SRBD1: variants seen among roughly 807,000 people sequenced by gnomAD.
SRBD1 encodes the protein S1 RNA-binding domain-containing protein 1.
A neutral mutation model predicts 115.3 loss-of-function variants in SRBD1; 88 were observed. The observed-to-expected ratio is 0.76, with a 90% CI of 0.64 to 0.91. The LOEUF (loss-of-function observed/expected upper bound fraction) is 0.91. SRBD1 is among the 40% of genes least tolerant of loss of function. SRBD1 has a pLI of 0.00. For synonymous variants in SRBD1, 509 were observed against 407.7 expected (o/e 1.25, Z -2.99); for missense variants, 1,385 against 1,177.4 (o/e 1.18, Z -2.58).
intron 18 of SRBD1, among the ~76,000 whole-genome samples, chr2:45,414,476 T>C (rs890385410): frequency 4.9e-5 from 7 of 143,002 alleles, no homozygotes; most frequent in Admixed American, 1.4e-4. Flanking sequence ...GTGTATATAG[T>C]GTGTGTGTAC....
At chr2:45,414,517 AGT>A (rs1454639847) in intron 18 of SRBD1, among the ~76,000 whole-genome samples, 2 of 148,980 alleles carry the variant, frequency 1.3e-5, no homozygotes, top group African/African-American at 2.5e-5. Context: ...GTACACACAT[AGT>A]GTGTATATAG....
chr2:45,455,478 T>C (rs1669124210), intron 16 of SRBD1, among the ~76,000 whole-genome samples: 2 of 151,876 alleles, frequency 1.3e-5, no homozygotes. Flanking sequence ...AATCTATATT[T>C]AGGTCAGAGC....
chr2:45,415,661 G>GGGGAA (rs1271515288), intron 18 of SRBD1, among the ~76,000 whole-genome samples: 1 of 26,866 alleles, frequency 3.7e-5, no homozygotes, highest in African/African-American at 1.8e-4. Context: ...GGGGAGGGGA[G>GGGGAA]GGGAGGGGAG....
intron 14 of SRBD1, among the ~76,000 whole-genome samples, chr2:45,504,507 C>G (rs1339805060): frequency 6.6e-6 from 1 of 152,024 alleles, no homozygotes; most frequent in Admixed American, 6.6e-5. Flanking sequence ...ATACGAGAAA[C>G]AGAGGAAATA....
chr2:45,447,615 C>T (rs1270561661), intron 16 of SRBD1: 1 of 152,156 alleles, frequency 6.6e-6, no homozygotes, highest in East Asian at 1.9e-4. Flanking sequence ...AAATTGGTTT[C>T]TTTTGCCAAA....
At chr2:45,481,486 C>G (rs1355959324) in intron 15 of SRBD1, among the ~76,000 whole-genome samples, 2 of 151,784 alleles carry the variant, frequency 1.3e-5, no homozygotes, top group African/African-American at 4.8e-5. Flanking sequence ...CATTTTGAGA[C>G]AGAGAAGAAA....
At chr2:45,468,115 A>C (rs1160646175) in intron 16 of SRBD1, among the ~76,000 whole-genome samples, 1 of 152,048 alleles carries the variant, frequency 6.6e-6, no homozygotes, top group East Asian at 1.9e-4. Flanking sequence ...TATTTTTATA[A>C]TCTTACTATA....
At chr2:45,456,249 C>A (rs968859122) in intron 16 of SRBD1, among the ~76,000 whole-genome samples, 4 of 151,824 alleles carry the variant, frequency 2.6e-5, no homozygotes, top group African/African-American at 9.7e-5. Context: ...TAGAAAACGG[C>A]AATCAATATA....
intron 4 of SRBD1, among the ~76,000 whole-genome samples, chr2:45,598,278 T>C (rs1314773622): frequency 6.6e-6 from 1 of 152,202 alleles, no homozygotes; most frequent in Non-Finnish European, 1.5e-5. Context: ...AGCAACATTC[T>C]ATTCCTTAGT....
At chr2:45,576,535 T>C (rs1174042141) in intron 7 of SRBD1, among the ~76,000 whole-genome samples, 2 of 152,200 alleles carry the variant, frequency 1.3e-5, no homozygotes, top group African/African-American at 4.8e-5. Flanking sequence ...CTAATAGTAA[T>C]TCTATTTACA....
At chr2:45,456,450 T>C (rs893575089) in intron 16 of SRBD1, among the ~76,000 whole-genome samples, 1 of 151,910 alleles carries the variant, frequency 6.6e-6, no homozygotes, top group Non-Finnish European at 1.5e-5. Flanking sequence ...CTACTGCTGT[T>C]AGATGGTTCT....
chr2:45,597,972 G>A (rs1355316202), intron 4 of SRBD1, among the ~76,000 whole-genome samples: 1 of 152,190 alleles, frequency 6.6e-6, no homozygotes, highest in African/African-American at 2.4e-5. Context: ...CCAACTACCA[G>A]AGGTGGATCT....
At position 45,497,301 on chromosome 2, in the gene SRBD1, T is replaced by A. The variant is rs78056372; in HGVS notation, c.1875-8970A>T. ...AGAACATGAAAGGCCAGTTTATTTTTACTGTCATTGCCCTATAATTTCCTT... is the reference window on the plus strand; with the variant it reads ...AGAACATGAAAGGCCAGTTTATTTTAACTGTCATTGCCCTATAATTTCCTT... On this transcript the variant is annotated intron_variant, in intron 14 of 20. Transcript: ENST00000263736. Among the ~76,000 whole-genome samples the A allele has an allele frequency of 1.4e-3, 212 of 152,334 alleles. 1 individual carries two copies. Among genetic ancestry groups the A allele is most frequent in the African/African-American group, 4.9e-3 (204 of 41,582 alleles).
chr2:45,440,839 G>T (rs941091530), intron 16 of SRBD1, among the ~76,000 whole-genome samples: 1 of 152,068 alleles, frequency 6.6e-6, no homozygotes, highest in Non-Finnish European at 1.5e-5. Context: ...AGGGAGGGAA[G>T]GCAGGGAGGC....
intron 13 of SRBD1, among the ~76,000 whole-genome samples, chr2:45,547,094 T>C (rs1050685994): frequency 1.3e-5 from 2 of 152,134 alleles, no homozygotes; most frequent in South Asian, 2.1e-4. Flanking sequence ...TTTCTTCCCA[T>C]CAAGAAGGAA....
chr2:45,576,545 A>G lies in SRBD1; in HGVS notation c.1073-1822T>C, dbSNP rs1408586890. On this transcript the variant is annotated intron_variant, in intron 7 of 20. Coordinates refer to ENST00000263736, the MANE Select transcript of SRBD1 (RefSeq NM_018079.5). ...TGAAACTAATAGTAATTCTATTTAC[A>G]TTTTAAGAAAACTTTCCTATGAGGG... Among the ~76,000 whole-genome samples, 8 of 152,344 alleles carry G rather than the reference A, an allele frequency of 5.3e-5. No individual in the cohort carries two copies. In the South Asian group the frequency reaches 1.2e-3, roughly 24 times the overall value.
intron 14 of SRBD1, among the ~76,000 whole-genome samples, chr2:45,510,692 C>T (rs1431320358): frequency 2.0e-5 from 3 of 152,182 alleles, no homozygotes; most frequent in Admixed American, 6.5e-5. Flanking sequence ...ATTAAAATGT[C>T]AAAAATTATT....
intron 14 of SRBD1, among the ~76,000 whole-genome samples, chr2:45,496,025 T>C (rs1246988506): frequency 6.6e-6 from 1 of 152,220 alleles, no homozygotes; most frequent in Non-Finnish European, 1.5e-5. Context: ...ACTCATATAA[T>C]ACCAGATTAT....
intron 14 of SRBD1, among the ~76,000 whole-genome samples, chr2:45,545,283 T>TAAAAAAAAAA (rs56909656): frequency 6.6e-4 from 45 of 68,570 alleles, no homozygotes; most frequent in African/African-American, 1.9e-3. Flanking sequence ...CTGTCTCAAT[T>TAAAAAAAAAA]AAAAAAAAAA....
Sources: allele counts gnomAD v4.1 joint callset (sites outside exome capture counted in the v4.1 genomes callset), GRCh38; gene constraint gnomAD v4.1.1; transcripts MANE v1.5; gene names NCBI Gene and HGNC (gene_info 2026-07-23, HGNC 2026-07-21).